DPP10: variants seen among roughly 807,000 people sequenced by gnomAD.
DPP10 encodes the protein inactive dipeptidyl peptidase 10.
In DPP10, 33 loss-of-function variants were observed where a neutral mutation model predicts 120.9. The observed-to-expected ratio is 0.27, with a 90% CI of 0.21 to 0.37. The LOEUF is 0.37. Ranked by LOEUF, DPP10 falls within the 10% of genes least tolerant of loss-of-function variation. DPP10 has a pLI of 1.00. For missense variants in DPP10, 816 were observed against 942.8 expected, an observed-to-expected ratio of 0.87 and a Z score of 1.76; for synonymous variants, 337 against 326.1, an observed-to-expected ratio of 1.03 and a Z score of -0.36.
intron 1 of DPP10, among the ~76,000 whole-genome samples, chr2:115,187,756 C>T (rs552644311): frequency 2.0e-5 from 3 of 152,234 alleles, no homozygotes; most frequent in African/African-American, 7.2e-5. Context: ...CATCCCACCA[C>T]TTTGGGAGGC....
chr2:115,018,017 GA>G (rs918598491), intron 1 of DPP10, among the ~76,000 whole-genome samples: 1 of 150,626 alleles, frequency 6.6e-6, no homozygotes, highest in African/African-American at 2.4e-5. Flanking sequence ...AAAAAAAAAA[GA>G]GAAAAACAAC....
chr2:115,030,200 T>A (rs577649874), intron 1 of DPP10, among the ~76,000 whole-genome samples: 1 of 152,242 alleles, frequency 6.6e-6, no homozygotes, highest in Non-Finnish European at 1.5e-5. Context: ...CTCAGAGCAG[T>A]ATCCTTCATT....
intron 1 of DPP10, among the ~76,000 whole-genome samples, chr2:114,595,015 C>A (rs1398209144): frequency 6.6e-6 from 1 of 152,020 alleles, no homozygotes; most frequent in East Asian, 1.9e-4. Context: ...TCTATGCTTT[C>A]TTGTAAAAAA....
intron 21 of DPP10, among the ~76,000 whole-genome samples, chr2:115,819,798 A>G (rs902155743): frequency 6.6e-6 from 1 of 152,124 alleles, no homozygotes; most frequent in African/African-American, 2.4e-5. Context: ...GTTCGAGACC[A>G]TCCTGACCAA....
At chr2:114,475,084 C>T (rs1292052864) in intron 1 of DPP10, among the ~76,000 whole-genome samples, 1 of 152,180 alleles carries the variant, frequency 6.6e-6, no homozygotes, top group Non-Finnish European at 1.5e-5. Flanking sequence ...GACCTGAATT[C>T]CCAATGTATG....
At chr2:114,820,091 A>C (rs780297415) in intron 1 of DPP10, among the ~76,000 whole-genome samples, 5 of 152,192 alleles carry the variant, frequency 3.3e-5, no homozygotes, top group Admixed American at 2.0e-4. Flanking sequence ...TGTGGAAAAG[A>C]GGAAGGCTAG....
At chr2:114,769,209 A>C (rs1226620716) in intron 1 of DPP10, among the ~76,000 whole-genome samples, 2 of 152,146 alleles carry the variant, frequency 1.3e-5, no homozygotes, top group Non-Finnish European at 2.9e-5. Context: ...CAGGAATCAG[A>C]ATACTTGGCT....
chr2:115,400,907 C>T (rs992993167), intron 3 of DPP10, among the ~76,000 whole-genome samples: 2 of 152,188 alleles, frequency 1.3e-5, no homozygotes, highest in African/African-American at 4.8e-5. Flanking sequence ...GGGGAACTTC[C>T]TCAGTTTGGA....
At chr2:114,887,816 A>G (rs1692193604) in intron 1 of DPP10, among the ~76,000 whole-genome samples, 2 of 152,158 alleles carry the variant, frequency 1.3e-5, no homozygotes. Flanking sequence ...TGTCACTTAT[A>G]CCATATGACT....
chr2:114,557,334 T>C (rs576639335), intron 1 of DPP10, among the ~76,000 whole-genome samples: 1 of 152,250 alleles, frequency 6.6e-6, no homozygotes, highest in South Asian at 2.1e-4. Context: ...CCCCAGATGA[T>C]CCATCTGTCT....
chr2:115,721,227 C>T (rs1451563037), intron 7 of DPP10, among the ~76,000 whole-genome samples: 2 of 152,144 alleles, frequency 1.3e-5, no homozygotes, highest in Non-Finnish European at 2.9e-5. Context: ...CCAGCAGTCC[C>T]CCATGTCCAT....
At chr2:115,406,520 G>A (rs2068520979) in intron 3 of DPP10, among the ~76,000 whole-genome samples, 1 of 152,092 alleles carries the variant, frequency 6.6e-6, no homozygotes. Context: ...AGAAAGATAT[G>A]ACTATGTGCT....
intron 1 of DPP10, among the ~76,000 whole-genome samples, chr2:114,516,605 C>T (rs1684614142): frequency 6.6e-6 from 1 of 152,144 alleles, no homozygotes; most frequent in African/African-American, 2.4e-5. Context: ...CAGTGATTTG[C>T]TTTTACTTAA....
chr2:114,495,667 T>A (rs568368096), intron 1 of DPP10, among the ~76,000 whole-genome samples: 16 of 152,324 alleles, frequency 1.1e-4, no homozygotes, highest in African/African-American at 3.1e-4. Context: ...TGGTCTCAGG[T>A]GTTGCCATTG....
chr2:115,004,860 C>T (rs1194984536), intron 1 of DPP10, among the ~76,000 whole-genome samples: 1 of 152,136 alleles, frequency 6.6e-6, no homozygotes, highest in African/African-American at 2.4e-5. Flanking sequence ...CTGGGTGGAG[C>T]CCACCACAGC....
intron 5 of DPP10, among the ~76,000 whole-genome samples, chr2:115,658,123 G>A (rs1434919833): frequency 6.6e-6 from 1 of 151,856 alleles, no homozygotes; most frequent in East Asian, 1.9e-4. Flanking sequence ...GGATTGCTAT[G>A]CTCTATTTGG....
At chr2:114,709,764 C>T (rs371173428) in intron 1 of DPP10, among the ~76,000 whole-genome samples, 2 of 152,094 alleles carry the variant, frequency 1.3e-5, no homozygotes, top group Non-Finnish European at 2.9e-5. Context: ...GATGGGAATA[C>T]GTTCTAATAA....
At chr2:115,187,941 C>A (rs1208734036) in intron 1 of DPP10, among the ~76,000 whole-genome samples, 2 of 151,924 alleles carry the variant, frequency 1.3e-5, no homozygotes, top group Non-Finnish European at 2.9e-5. Flanking sequence ...ATCTCCTGAG[C>A]CCTGAGAGGT....
At chr2:115,606,913 G>T (rs1047377489) in intron 5 of DPP10, among the ~76,000 whole-genome samples, 6 of 152,112 alleles carry the variant, frequency 3.9e-5, no homozygotes, top group African/African-American at 1.4e-4. Flanking sequence ...AAAAGAATGC[G>T]AGCTTTCATT....
Sources: gnomAD v4.1 joint callset for allele counts (sites outside exome capture counted in the v4.1 genomes callset) on GRCh38, gnomAD v4.1.1 for gene constraint, MANE v1.5 for transcripts, NCBI Gene and HGNC (gene_info 2026-07-23, HGNC 2026-07-21) for gene names.